Variants in DPYD observed in about 807,000 individuals in gnomAD.
DPYD encodes the protein dihydropyrimidine dehydrogenase [NADP(+)].
DPYD carries 109 observed loss-of-function variants against 116.2 expected under a neutral mutation model. The ratio of observed to expected loss-of-function variants is 0.94; its 90% CI spans 0.80 to 1.10. DPYD has a LOEUF of 1.10. Among genes scored for constraint, DPYD ranks in the 50% least tolerant of loss-of-function variants. The probability of loss-of-function intolerance (pLI) is 0.00; values close to 1 mark genes in which losing one functional copy is unlikely to be tolerated. For missense variants in DPYD, 1,302 were observed against 1,254.5 expected (o/e 1.04, Z -0.57); for synonymous variants, 440 against 432.0 (o/e 1.02, Z -0.23).
intron 13 of DPYD, among the ~76,000 whole-genome samples, chr1:97,475,852 A>T (rs1677931423): frequency 6.6e-6 from 1 of 152,160 alleles, no homozygotes; most frequent in African/African-American, 2.4e-5. Flanking sequence ...TGCAACAATA[A>T]CTCAAAAAGT....
chr1:97,143,913 G>A lies in DPYD; in HGVS notation c.2623-45281C>T, dbSNP rs150056925. ...CTGCTTTTATGTGTCATCAAGAAGA[G>A]TTGTTCACCAGCCAATGGTAACTGA... On this transcript the variant is annotated intron_variant, in intron 20 of 22. Transcript: ENST00000370192. Among the ~76,000 whole-genome samples the A allele has an allele frequency of 1.5e-3, 226 of 152,230 alleles. 1 individual carries two copies. Among genetic ancestry groups the A allele is most frequent in the African/African-American group, 5.1e-3 (210 of 41,558 alleles).
At chr1:97,130,500 A>C (rs1310229172) in intron 20 of DPYD, among the ~76,000 whole-genome samples, 1 of 152,094 alleles carries the variant, frequency 6.6e-6, no homozygotes, top group Non-Finnish European at 1.5e-5. Context: ...TCAGAGTATT[A>C]TTTTTAAACT....
intron 18 of DPYD, among the ~76,000 whole-genome samples, chr1:97,275,318 A>T (rs1664864863): frequency 6.6e-6 from 1 of 152,040 alleles, no homozygotes; most frequent in Non-Finnish European, 1.5e-5. Context: ...AGAAGTGATC[A>T]CTCCCCCATG....
At chr1:97,850,846 T>C (rs1670535498) in intron 2 of DPYD, among the ~76,000 whole-genome samples, 1 of 152,110 alleles carries the variant, frequency 6.6e-6, no homozygotes, top group Non-Finnish European at 1.5e-5. Context: ...ATAAATGATA[T>C]ATTAAAAATC....
chr1:97,906,512 C>T (rs777697079), intron 1 of DPYD, among the ~76,000 whole-genome samples: 43 of 152,108 alleles, frequency 2.8e-4, no homozygotes, highest in South Asian at 6.2e-4. Context: ...CAAGATACAG[C>T]AAGTACTTAA....
intron 18 of DPYD, among the ~76,000 whole-genome samples, chr1:97,253,921 A>G (rs556417249): frequency 4.4e-4 from 67 of 152,324 alleles, no homozygotes; most frequent in African/African-American, 1.5e-3. Context: ...TTAAAAATAT[A>G]ACATTCATAG....
chr1:97,379,953 T>C (rs1248928536), intron 15 of DPYD, among the ~76,000 whole-genome samples: 1 of 152,230 alleles, frequency 6.6e-6, no homozygotes, highest in East Asian at 1.9e-4. Flanking sequence ...TGTGGCCAGC[T>C]CTGGAATGCA....
intron 18 of DPYD, among the ~76,000 whole-genome samples, chr1:97,259,065 G>A (rs934038800): frequency 1.3e-5 from 2 of 152,068 alleles, no homozygotes; most frequent in Non-Finnish European, 2.9e-5. Flanking sequence ...TTGAGTTTGG[G>A]TAAATACCTG....
intron 10 of DPYD, among the ~76,000 whole-genome samples, chr1:97,580,885 C>T (rs1018313132): frequency 6.6e-6 from 1 of 152,164 alleles, no homozygotes; most frequent in African/African-American, 2.4e-5. Context: ...CCGCAACCTA[C>T]TCCTTGGCTA....
intron 13 of DPYD, among the ~76,000 whole-genome samples, chr1:97,493,984 G>T (rs549032125): frequency 6.6e-6 from 1 of 152,234 alleles, no homozygotes; most frequent in Non-Finnish European, 1.5e-5. Flanking sequence ...ACAGAAGAGA[G>T]GAATTCGAAA....
intron 5 of DPYD, among the ~76,000 whole-genome samples, chr1:97,717,002 T>A (rs901747727): frequency 6.6e-6 from 1 of 152,062 alleles, no homozygotes; most frequent in Non-Finnish European, 1.5e-5. Context: ...TTTTGATAGA[T>A]GCATACAATG....
intron 19 of DPYD, among the ~76,000 whole-genome samples, chr1:97,218,579 G>T (rs536364599): frequency 6.7e-6 from 1 of 150,214 alleles, no homozygotes; most frequent in African/African-American, 2.5e-5. Context: ...AGACATCCTA[G>T]ATCAAACCCA....
chr1:97,552,730 T>G (rs1014235869), intron 11 of DPYD, among the ~76,000 whole-genome samples: 2 of 152,072 alleles, frequency 1.3e-5, no homozygotes, highest in African/African-American at 2.4e-5. Flanking sequence ...CAAACAATTC[T>G]TTGATACTCT....
At chr1:97,183,502 C>T (rs6681752) in intron 20 of DPYD, among the ~76,000 whole-genome samples, 108,986 of 151,962 alleles carry the variant, frequency 0.72, 40,328 homozygotes, top group East Asian at 0.99. Context: ...TTGATTACTG[C>T]AGATTTATAG....
At chr1:97,352,779 T>TA (rs1670218807) in intron 16 of DPYD, among the ~76,000 whole-genome samples, 1 of 152,114 alleles carries the variant, frequency 6.6e-6, no homozygotes, top group African/African-American at 2.4e-5. Flanking sequence ...GAATAGTACA[T>TA]ACAGTAAAGT....
chr1:97,342,828 C>T (rs1339235464), intron 16 of DPYD, among the ~76,000 whole-genome samples: 2 of 152,140 alleles, frequency 1.3e-5, no homozygotes, highest in East Asian at 1.9e-4. Context: ...TTTGCAATTA[C>T]TGGCCTTGCC....
Position 97,691,777 on chromosome 1 carries a change from G to T in DPYD, c.702C>A (p.Phe234Leu). The T allele has an allele frequency of 6.2e-7, 1 of 1,613,516 alleles. No individual in the cohort carries two copies. The highest frequency in any genetic ancestry group is 1.1e-5 in the South Asian group (1 of 91,050). The change falls in exon 7 of 23, where the codon TTC (phenylalanine) becomes TTA (leucine). Residue 234 changes from phenylalanine to leucine, a missense_variant. Transcript: ENST00000370192. ...AATTCACTACATCATACGGCAGCCG[G>T]AACTGAGGAATTTCAGAAGTACTGA... ...GGLSTSEIPQ[F>L]RLPYDVVNFE...
intron 18 of DPYD, among the ~76,000 whole-genome samples, chr1:97,287,967 C>A (rs1204329067): frequency 2.7e-5 from 4 of 150,704 alleles, no homozygotes; most frequent in Non-Finnish European, 5.9e-5. Context: ...CACACATAGG[C>A]TCAAAATAAA....
At chr1:97,724,615 G>T (rs1463937422) in intron 4 of DPYD, among the ~76,000 whole-genome samples, 1 of 151,384 alleles carries the variant, frequency 6.6e-6, no homozygotes, top group Non-Finnish European at 1.5e-5. Context: ...CTAGCATTTT[G>T]TTTTATTCAG....
Sources: allele counts gnomAD v4.1 joint callset (sites outside exome capture counted in the v4.1 genomes callset), GRCh38; gene constraint gnomAD v4.1.1; transcripts MANE v1.5; gene names NCBI Gene and HGNC (gene_info 2026-07-23, HGNC 2026-07-21).